Variants in SPAG16 observed in about 807,000 individuals in gnomAD.
SPAG16 encodes the protein sperm-associated antigen 16 protein.
A neutral mutation model predicts 80.4 loss-of-function variants in SPAG16; 86 were observed. The ratio of observed to expected loss-of-function variants is 1.07; its 90% CI spans 0.90 to 1.28. The LOEUF (loss-of-function observed/expected upper bound fraction) is 1.28. SPAG16 is among the 50% of genes most tolerant of loss of function. The probability of loss-of-function intolerance (pLI) is 0.00; values close to 1 mark genes in which losing one functional copy is unlikely to be tolerated. For synonymous variants in SPAG16, 294 were observed against 265.9 expected (o/e 1.11, Z -1.03); for missense variants, 870 against 765.3 (o/e 1.14, Z -1.61).
intron 9 of SPAG16, among the ~76,000 whole-genome samples, chr2:213,427,304 G>GT (rs1172158514): frequency 6.6e-6 from 1 of 152,114 alleles, no homozygotes; most frequent in Non-Finnish European, 1.5e-5. Context: ...ATTTGCATTA[G>GT]TATACCCAAA....
chr2:213,692,537 T>G (rs558073964), intron 10 of SPAG16, among the ~76,000 whole-genome samples: 1 of 152,264 alleles, frequency 6.6e-6, no homozygotes, highest in South Asian at 2.1e-4. Context: ...CTGCCGGGCA[T>G]GGTGGCTCAT....
At chr2:213,422,728 T>C (rs938764749) in intron 9 of SPAG16, among the ~76,000 whole-genome samples, 1 of 152,242 alleles carries the variant, frequency 6.6e-6, no homozygotes, top group Non-Finnish European at 1.5e-5. Flanking sequence ...GGATGATTCT[T>C]GTAGGCTGTG....
intron 15 of SPAG16, among the ~76,000 whole-genome samples, chr2:214,183,250 T>A (rs548824562): frequency 1.6e-4 from 24 of 152,086 alleles, no homozygotes; most frequent in Non-Finnish European, 3.1e-4. Flanking sequence ...TGTCCCCATA[T>A]CATGCCTAAA....
At chr2:213,829,853 C>T (rs2073528959) in intron 10 of SPAG16, among the ~76,000 whole-genome samples, 1 of 152,148 alleles carries the variant, frequency 6.6e-6, no homozygotes, top group Non-Finnish European at 1.5e-5. Flanking sequence ...CATTATCCTA[C>T]TGCGGCTGAG....
intron 10 of SPAG16, 88 bp from the exon 11 acceptor site, chr2:213,862,397 C>A: frequency 3.3e-6 from 5 of 1,514,276 alleles, no homozygotes; most frequent in South Asian, 2.4e-5. Flanking sequence ...TTGCTAAAAT[C>A]GGATAATCAC....
At chr2:214,053,304 A>G (rs554362692) in intron 13 of SPAG16, among the ~76,000 whole-genome samples, 1 of 151,224 alleles carries the variant, frequency 6.6e-6, no homozygotes, top group South Asian at 2.1e-4. Context: ...TAACTAGAAC[A>G]AAAAAAAATG....
intron 9 of SPAG16, among the ~76,000 whole-genome samples, chr2:213,414,604 A>G (rs899074420): frequency 6.6e-6 from 1 of 152,236 alleles, no homozygotes; most frequent in Non-Finnish European, 1.5e-5. Context: ...GGACTGTCAC[A>G]TGATTAATGT....
intron 15 of SPAG16, among the ~76,000 whole-genome samples, chr2:214,399,757 A>G (rs566693878): frequency 6.6e-6 from 1 of 152,236 alleles, no homozygotes; most frequent in Non-Finnish European, 1.5e-5. Flanking sequence ...TTTCTAAACA[A>G]CAAAGAAGAA....
At chr2:214,088,355 GATACA>G (rs2051926081) in intron 13 of SPAG16, among the ~76,000 whole-genome samples, 3 of 63,774 alleles carry the variant, frequency 4.7e-5, no homozygotes, top group Admixed American at 3.3e-4. Context: ...GAGCTCATCA[GATACA>G]GGTGAAAAAA....
chr2:214,348,690 G>T (rs1183373950), intron 15 of SPAG16, among the ~76,000 whole-genome samples: 1 of 152,124 alleles, frequency 6.6e-6, no homozygotes, highest in Non-Finnish European at 1.5e-5. Context: ...TGTAAATGAA[G>T]CTGTCTCAGA....
At chr2:213,285,900 G>T (rs1302991794) in intron 1 of SPAG16, 1 of 1,289,366 alleles carries the variant, frequency 7.8e-7, no homozygotes, top group African/African-American at 1.5e-5. Context: ...TCTATATCCA[G>T]TGCCCTTGCT....
At chr2:214,148,033 T>C (rs527777804) in intron 14 of SPAG16, among the ~76,000 whole-genome samples, 2 of 152,146 alleles carry the variant, frequency 1.3e-5, no homozygotes, top group Non-Finnish European at 2.9e-5. Context: ...AGTTTTTAAG[T>C]TGACATTAAA....
intron 11 of SPAG16, among the ~76,000 whole-genome samples, chr2:213,903,353 A>G (rs1009229126): frequency 1.3e-5 from 2 of 152,192 alleles, no homozygotes; most frequent in Non-Finnish European, 2.9e-5. Flanking sequence ...TCTGAAATCT[A>G]GGCAGAGGTT....
chr2:213,947,401 A>G (rs901817577), intron 12 of SPAG16, among the ~76,000 whole-genome samples: 2 of 152,118 alleles, frequency 1.3e-5, no homozygotes, highest in Non-Finnish European at 2.9e-5. Flanking sequence ...GTGTGGTGGT[A>G]TCTCATAATG....
At chr2:214,262,999 A>G (rs754792074) in intron 15 of SPAG16, among the ~76,000 whole-genome samples, 14 of 152,102 alleles carry the variant, frequency 9.2e-5, no homozygotes, top group Non-Finnish European at 8.8e-5. Context: ...ATATTTTGAT[A>G]TATGCATGGA....
intron 9 of SPAG16, among the ~76,000 whole-genome samples, chr2:213,383,447 T>C (rs867273361): frequency 6.6e-6 from 1 of 152,164 alleles, no homozygotes; most frequent in Non-Finnish European, 1.5e-5. Flanking sequence ...TCTAAATAAG[T>C]TGTTCATTTG....
chr2:213,900,830 C>A (rs1344956264), intron 11 of SPAG16, among the ~76,000 whole-genome samples: 1 of 152,168 alleles, frequency 6.6e-6, no homozygotes, highest in Non-Finnish European at 1.5e-5. Flanking sequence ...CCATAGCCTT[C>A]ATAACCACCT....
chr2:214,333,109 C>T (rs1440246026), intron 15 of SPAG16, among the ~76,000 whole-genome samples: 1 of 152,176 alleles, frequency 6.6e-6, no homozygotes, highest in East Asian at 1.9e-4. Context: ...ATACCCCTTC[C>T]ATGATGTTGC....
intron 15 of SPAG16, among the ~76,000 whole-genome samples, chr2:214,174,825 G>T (rs890640342): frequency 6.6e-6 from 1 of 151,604 alleles, no homozygotes. Context: ...CATCACTTTT[G>T]CACGAATCTA....
Sources: gnomAD v4.1 joint callset for allele counts (sites outside exome capture counted in the v4.1 genomes callset) on GRCh38, gnomAD v4.1.1 for gene constraint, MANE v1.5 for transcripts, NCBI Gene and HGNC (gene_info 2026-07-23, HGNC 2026-07-21) for gene names.